NFIB: variants seen among roughly 807,000 people sequenced by gnomAD.
NFIB encodes the protein nuclear factor I B.
In NFIB, 11 loss-of-function variants were observed where a neutral mutation model predicts 61.5. That is an observed-to-expected ratio of 0.18 (90% CI 0.11 to 0.30). The LOEUF is 0.30. Ranked by LOEUF, NFIB falls within the 10% of genes least tolerant of loss-of-function variation. The pLI, the probability that NFIB is intolerant of heterozygous loss-of-function variation, is 1.00. For missense variants in NFIB, 471 were observed against 608.9 expected (o/e 0.77, Z 2.38); for synonymous variants, 260 against 216.5 (o/e 1.20, Z -1.76).
At chr9:14,443,025 A>ACCCCCCCCCCCC in the NFIB span, among the ~76,000 whole-genome samples, 1 of 116,524 alleles carries the variant, frequency 8.6e-6, no homozygotes, top group Non-Finnish European at 1.8e-5. Flanking sequence ...ATCTAACCCA[A>ACCCCCCCCCCCC]CCCCCCACCC....
rs577419470 is a variant in NFIB, at chr9:14,328,672, T to C, written c.109-21152A>G. Among the ~76,000 whole-genome samples, 117 of 152,196 alleles carry C rather than the reference T, an allele frequency of 7.7e-4. 1 individual carries two copies. The highest frequency in any genetic ancestry group is 2.7e-3 in the African/African-American group (112 of 41,548). ...TGCATAGTTATAATCTTAAAATGAATATAATTTCATTTCATAATTTTTCCA... is the reference window on the plus strand; with the variant it reads ...TGCATAGTTATAATCTTAAAATGAACATAATTTCATTTCATAATTTTTCCA... On this transcript the variant is annotated intron_variant, in intron 1 of 8. Coordinates refer to the NFIB transcript ENST00000380934.
intron 6 of NFIB, 138 bp downstream of exon 6, chr9:14,146,551 A>G (rs1056827793): frequency 7.9e-7 from 1 of 1,270,526 alleles, no homozygotes; most frequent in East Asian, 2.5e-5. Context: ...TTATCTCAAA[A>G]ATAATTCTAC....
chr9:14,398,155 A>G (rs1020293235), intron 1 of NFIB, among the ~76,000 whole-genome samples: 1 of 152,096 alleles, frequency 6.6e-6, no homozygotes, highest in Non-Finnish European at 1.5e-5. Context: ...AAAGAAAGAT[A>G]CTTATCTTCA....
intron 2 of NFIB, among the ~76,000 whole-genome samples, chr9:14,221,550 A>G (rs1362192609): frequency 1.3e-5 from 2 of 152,230 alleles, no homozygotes; most frequent in Non-Finnish European, 2.9e-5. Context: ...CAAGGCTCAC[A>G]GCCACATACC....
intron 2 of NFIB, among the ~76,000 whole-genome samples, chr9:14,296,099 G>C (rs1368013591): frequency 1.3e-5 from 2 of 152,154 alleles, no homozygotes; most frequent in Non-Finnish European, 2.9e-5. Flanking sequence ...GGTATGTCTT[G>C]TTACCTGAGA....
At chr9:14,232,620 A>T (rs1029024409) in intron 2 of NFIB, among the ~76,000 whole-genome samples, 1 of 152,226 alleles carries the variant, frequency 6.6e-6, no homozygotes, top group African/African-American at 2.4e-5. Flanking sequence ...TCCATTTTAA[A>T]GTATTAGAGG....
At chr9:14,170,286 T>A (rs1293653950) in intron 3 of NFIB, among the ~76,000 whole-genome samples, 1 of 152,158 alleles carries the variant, frequency 6.6e-6, no homozygotes, top group African/African-American at 2.4e-5. Flanking sequence ...GCAGATCTTG[T>A]AAATATGGAG....
intron 2 of NFIB, among the ~76,000 whole-genome samples, chr9:14,227,085 G>A (rs1238313189): frequency 1.3e-5 from 2 of 148,506 alleles, no homozygotes; most frequent in South Asian, 2.1e-4. Flanking sequence ...AGTTTGCAGT[G>A]AGCCGAGATC....
At chr9:14,322,995 C>G (rs2132827391) in intron 1 of NFIB, among the ~76,000 whole-genome samples, 1 of 152,316 alleles carries the variant, frequency 6.6e-6, no homozygotes, top group East Asian at 1.9e-4. Context: ...CGGAAAGACT[C>G]TAAAACAACA....
chr9:14,508,476 G>T, the NFIB span, among the ~76,000 whole-genome samples: 1 of 152,206 alleles, frequency 6.6e-6, no homozygotes, highest in South Asian at 2.1e-4. Flanking sequence ...CCAATCTAAT[G>T]AGAATCCTTC....
intron 10 of NFIB, among the ~76,000 whole-genome samples, chr9:14,107,117 A>T (rs1391416854): frequency 1.3e-5 from 2 of 152,050 alleles, no homozygotes; most frequent in African/African-American, 4.8e-5. Flanking sequence ...GGTGGAAAAC[A>T]GATGCTTAAA....
chr9:14,259,639 G>A (rs1401369063), intron 2 of NFIB, among the ~76,000 whole-genome samples: 2 of 152,144 alleles, frequency 1.3e-5, no homozygotes, highest in Admixed American at 1.3e-4. Context: ...AGTGGCTCAC[G>A]CCTGTAATCC....
At chr9:14,515,945 G>T in the NFIB span, among the ~76,000 whole-genome samples, 4 of 152,246 alleles carry the variant, frequency 2.6e-5, no homozygotes, top group Non-Finnish European at 5.9e-5. Context: ...GACATTCAAA[G>T]GCTGTGACTG....
the NFIB span, among the ~76,000 whole-genome samples, chr9:14,432,067 C>T: frequency 6.6e-6 from 1 of 152,158 alleles, no homozygotes; most frequent in East Asian, 1.9e-4. Context: ...GGCCTCAAGA[C>T]AATGGAGAGG....
the NFIB span, among the ~76,000 whole-genome samples, chr9:14,439,003 G>A: frequency 2.0e-5 from 3 of 152,112 alleles, no homozygotes; most frequent in African/African-American, 2.4e-5. Context: ...AGTGTCGGCC[G>A]GAAGGAGCCC....
rs1050650759 is a variant in NFIB at position 14,085,245 on chromosome 9, G to A, written c.*3064C>T. The stretch of plus-strand genomic sequence containing the variant: ...AGTATTCATTATTAAATGATATGCT[G>A]TGAGAACAATTGACAGTTTATTTTA... On this transcript the variant is annotated 3_prime_UTR_variant, in exon 11 of 11. Coordinates refer to ENST00000380953, the MANE Select transcript of NFIB (RefSeq NM_001190737.2). 2.0e-4 allele frequency: 45 copies of A among 227,634 alleles called. No individual in the cohort carries two copies. Among genetic ancestry groups the A allele is most frequent in the African/African-American group, 7.6e-4 (34 of 45,012 alleles). The allele number at this position is 227,634 out of a possible 1,614,324, so 14.1% of individuals were successfully genotyped here.
chr9:14,518,830 C>T, the NFIB span, among the ~76,000 whole-genome samples: 1 of 152,126 alleles, frequency 6.6e-6, no homozygotes, highest in African/African-American at 2.4e-5. Context: ...AACCTCAGGC[C>T]ATATTTCCAA....
At chr9:14,462,093 C>CA in the NFIB span, among the ~76,000 whole-genome samples, 1 of 152,170 alleles carries the variant, frequency 6.6e-6, no homozygotes. Context: ...CATTCCAGCT[C>CA]ATAAGGTATC....
chr9:14,132,717 G>A (rs1374225482), intron 6 of NFIB, among the ~76,000 whole-genome samples: 3 of 151,872 alleles, frequency 2.0e-5, no homozygotes, highest in Non-Finnish European at 2.9e-5. Flanking sequence ...ATGGGCACAC[G>A]ATCACACCCA....
Sources: allele counts gnomAD v4.1 joint callset (sites outside exome capture counted in the v4.1 genomes callset), GRCh38; gene constraint gnomAD v4.1.1; transcripts MANE v1.5; gene names NCBI Gene and HGNC (gene_info 2026-07-23, HGNC 2026-07-21).